Variants in PTPRM observed in about 807,000 individuals in gnomAD.
PTPRM encodes protein tyrosine phosphatase receptor type M.
A neutral mutation model predicts 186.7 loss-of-function variants in PTPRM; 47 were observed. The observed-to-expected ratio is 0.25, with a 90% CI of 0.20 to 0.32. The LOEUF (loss-of-function observed/expected upper bound fraction) is 0.32, where lower values mean the gene tolerates loss of function less well. Among genes scored for constraint, PTPRM ranks in the 10% least tolerant of loss-of-function variants. PTPRM has a pLI of 1.00. For synonymous variants in PTPRM, 668 were observed against 674.9 expected (o/e 0.99, Z 0.16); for missense variants, 1,494 against 1,865.0 (o/e 0.80, Z 3.66).
intron 2 of PTPRM, among the ~76,000 whole-genome samples, chr18:7,808,673 A>G (rs957686856): frequency 6.6e-6 from 1 of 152,332 alleles, no homozygotes; most frequent in Non-Finnish European, 1.5e-5. Flanking sequence ...GAACTGTTGA[A>G]GTTACATATG....
chr18:8,295,788 G>T (rs1296408818), intron 19 of PTPRM, among the ~76,000 whole-genome samples: 2 of 152,006 alleles, frequency 1.3e-5, no homozygotes, highest in Non-Finnish European at 2.9e-5. Context: ...ATAACCTGAA[G>T]ATTAAAGACT....
chr18:8,352,652 G>T (rs964880184), intron 23 of PTPRM, among the ~76,000 whole-genome samples: 136 of 102,042 alleles, frequency 1.3e-3, no homozygotes, highest in East Asian at 5.8e-3. Flanking sequence ...TTTTTGGTTT[G>T]GTTTTTTTTG....
At chr18:7,650,322 C>T (rs2038667647) in intron 1 of PTPRM, among the ~76,000 whole-genome samples, 1 of 151,658 alleles carries the variant, frequency 6.6e-6, no homozygotes. Flanking sequence ...GATAAAAAGT[C>T]TTTAAAACAA....
chr18:7,986,391 A>G (rs1002352656), intron 7 of PTPRM, among the ~76,000 whole-genome samples: 2 of 152,254 alleles, frequency 1.3e-5, no homozygotes, highest in Non-Finnish European at 2.9e-5. Flanking sequence ...AGAGCAATAC[A>G]GAGAAACACA....
At chr18:8,206,268 A>ATTTTTTTTTTTTTTTTTT (rs1238112461) in intron 14 of PTPRM, among the ~76,000 whole-genome samples, 15 of 149,086 alleles carry the variant, frequency 1.0e-4, no homozygotes, top group African/African-American at 3.9e-4. Context: ...ATTTTATTTT[A>ATTTTTTTTTTTTTTTTTT]TTTTGAGACG....
intron 1 of PTPRM, among the ~76,000 whole-genome samples, chr18:7,672,241 G>T (rs1359614565): frequency 3.3e-5 from 5 of 151,962 alleles, no homozygotes; most frequent in Admixed American, 3.3e-4. Context: ...ACAATAATTT[G>T]TCATTTAGAA....
intron 1 of PTPRM, among the ~76,000 whole-genome samples, chr18:7,666,824 A>T (rs1382387205): frequency 6.6e-6 from 1 of 152,242 alleles, no homozygotes; most frequent in East Asian, 1.9e-4. Flanking sequence ...GTTCCAAGAA[A>T]ATCAGCAGAC....
intron 23 of PTPRM, among the ~76,000 whole-genome samples, chr18:8,349,896 T>C (rs1376755625): frequency 6.6e-6 from 1 of 152,228 alleles, no homozygotes; most frequent in Non-Finnish European, 1.5e-5. Flanking sequence ...GTCACCCTGG[T>C]GTTCACACTG....
At chr18:8,127,266 GCACAT>G (rs1222838070) in intron 13 of PTPRM, among the ~76,000 whole-genome samples, 2 of 152,112 alleles carry the variant, frequency 1.3e-5, no homozygotes, top group Non-Finnish European at 2.9e-5. Flanking sequence ...GCATGGAGGA[GCACAT>G]GCTAGGGAAC....
chr18:7,710,861 T>C (rs547328948), intron 1 of PTPRM, among the ~76,000 whole-genome samples: 1 of 152,146 alleles, frequency 6.6e-6, no homozygotes, highest in Non-Finnish European at 1.5e-5. Flanking sequence ...GAAATATCTC[T>C]ACAAGGAAAA....
At chr18:7,785,969 T>C (rs2043080232) in intron 2 of PTPRM, among the ~76,000 whole-genome samples, 1 of 152,246 alleles carries the variant, frequency 6.6e-6, no homozygotes, top group Non-Finnish European at 1.5e-5. Context: ...TATTACATTT[T>C]ATTTTTGGAT....
At chr18:8,089,622 A>G (rs906090373) in intron 11 of PTPRM, among the ~76,000 whole-genome samples, 1 of 152,200 alleles carries the variant, frequency 6.6e-6, no homozygotes, top group African/African-American at 2.4e-5. Context: ...CTTCAGAGTC[A>G]TCTATTACTT....
intron 2 of PTPRM, among the ~76,000 whole-genome samples, chr18:7,842,596 TG>T (rs2046377450): frequency 2.6e-5 from 4 of 152,142 alleles, no homozygotes; most frequent in Non-Finnish European, 5.9e-5. Flanking sequence ...CACCATAATA[TG>T]GGTGAGCCTC....
chr18:8,081,246 C>T (rs2090111236), intron 9 of PTPRM, among the ~76,000 whole-genome samples: 1 of 152,198 alleles, frequency 6.6e-6, no homozygotes, highest in Non-Finnish European at 1.5e-5. Flanking sequence ...CAGGCACTTA[C>T]CTGCAAATCA....
chr18:8,046,366 G>C (rs924546870), intron 7 of PTPRM, among the ~76,000 whole-genome samples: 4 of 152,180 alleles, frequency 2.6e-5, no homozygotes, highest in African/African-American at 9.7e-5. Flanking sequence ...GTATCTCTCA[G>C]TTGAGAACCT....
intron 2 of PTPRM, chr18:7,815,837 A>C (rs1197688230): frequency 2.0e-5 from 3 of 152,250 alleles, no homozygotes; most frequent in Non-Finnish European, 4.4e-5. Flanking sequence ...GCAAATCAAT[A>C]AAGAAAGGCA....
chr18:7,778,598 G>T (rs956450310), intron 2 of PTPRM, among the ~76,000 whole-genome samples: 3 of 152,004 alleles, frequency 2.0e-5, no homozygotes, highest in Non-Finnish European at 2.9e-5. Context: ...TCCTGCCTCA[G>T]CCTCCCGAGT....
chr18:7,729,174 T>C (rs563203529), intron 1 of PTPRM, among the ~76,000 whole-genome samples: 64 of 152,322 alleles, frequency 4.2e-4, no homozygotes, highest in African/African-American at 1.4e-3. Flanking sequence ...CCTCTCAAAA[T>C]GCTGGGATTA....
chr18:8,023,985 A>C (rs2147991626), intron 7 of PTPRM, among the ~76,000 whole-genome samples: 1 of 152,194 alleles, frequency 6.6e-6, no homozygotes, highest in East Asian at 1.9e-4. Flanking sequence ...TACTCACGTA[A>C]CTGCTTCAAA....
Sources: gnomAD v4.1 joint callset for allele counts (sites outside exome capture counted in the v4.1 genomes callset) on GRCh38, gnomAD v4.1.1 for gene constraint, MANE v1.5 for transcripts, NCBI Gene and HGNC (gene_info 2026-07-23, HGNC 2026-07-21) for gene names.